The following NAV2 variants were observed in gnomAD, a reference collection of about 807,000 sequenced individuals.
The protein encoded by NAV2 is neuron navigator 2, also known as helicase, APC down-regulated 1.
NAV2 carries 54 observed loss-of-function variants against 223.2 expected under a neutral mutation model. That is an observed-to-expected ratio of 0.24 (90% CI 0.19 to 0.30). The LOEUF (loss-of-function observed/expected upper bound fraction) is 0.30. Ranked by LOEUF, NAV2 falls within the 10% of genes least tolerant of loss-of-function variation. NAV2 has a pLI of 1.00. For synonymous variants in NAV2, 1,279 were observed against 1,239.3 expected (o/e 1.03, Z -0.67); for missense variants, 2,806 against 3,147.5 (o/e 0.89, Z 2.60).
chr11:19,369,886 A>G (rs966342406), intron 1 of NAV2, among the ~76,000 whole-genome samples: 1 of 152,150 alleles, frequency 6.6e-6, no homozygotes, highest in Non-Finnish European at 1.5e-5. Flanking sequence ...TAAATTTCCA[A>G]TCAAGTCTTT....
chr11:19,834,298 G>A (rs186132232), intron 2 of NAV2, among the ~76,000 whole-genome samples: 19 of 152,280 alleles, frequency 1.2e-4, no homozygotes, highest in South Asian at 2.1e-4. Context: ...ATTGAGGCCC[G>A]GTGAAGCTTA....
chr11:19,832,719 G>A (rs2060012518), intron 2 of NAV2, 118 bp downstream of exon 2: 1 of 784,920 alleles, frequency 1.3e-6, no homozygotes. Flanking sequence ...CTCATGTCTT[G>A]ACAATTTATT....
intron 1 of NAV2, among the ~76,000 whole-genome samples, chr11:19,381,241 T>G (rs571107978): frequency 6.6e-6 from 1 of 152,314 alleles, no homozygotes; most frequent in African/African-American, 2.4e-5. Context: ...CTCTGTCAAT[T>G]TCCTTGTCTC....
chr11:20,107,687 C>G lies in NAV2; in HGVS notation c.6865C>G (p.Pro2289Ala). The change falls in exon 36 of 38, where the codon CCC becomes GCC. Residue 2289 changes from proline to alanine, a missense_variant. Transcript: ENST00000349880. ...AGGCCCCCGGCTCTTCCTGTCATGC[C>G]CCATCGATGTGGACGGCTCGAGAGT... ...TIGPRLFLSCPIDVDGSRVWF... is the reference protein window; with the variant it reads ...TIGPRLFLSCAIDVDGSRVWF... The G allele has an allele frequency of 6.2e-7, 1 of 1,614,098 alleles. No individual in the cohort carries two copies. Among genetic ancestry groups the G allele is most frequent in the Non-Finnish European group, 8.5e-7 (1 of 1,179,986 alleles).
intron 3 of NAV2, among the ~76,000 whole-genome samples, chr11:19,858,734 T>C (rs558060470): frequency 2.6e-5 from 4 of 152,248 alleles, no homozygotes; most frequent in Non-Finnish European, 4.4e-5. Flanking sequence ...CAAAGTTTTT[T>C]GGATAGATAG....
At chr11:19,959,214 A>G (rs1317771643) in intron 10 of NAV2, among the ~76,000 whole-genome samples, 3 of 152,134 alleles carry the variant, frequency 2.0e-5, no homozygotes, top group Admixed American at 1.3e-4. Flanking sequence ...GGTGGGTTGA[A>G]TGTTTAAGGA....
intron 10 of NAV2, among the ~76,000 whole-genome samples, chr11:19,965,235 C>A (rs996176560): frequency 2.0e-5 from 3 of 152,180 alleles, no homozygotes; most frequent in African/African-American, 7.2e-5. Context: ...AGGTGGTGAG[C>A]TAGGGAGCTG....
intron 1 of NAV2, among the ~76,000 whole-genome samples, chr11:19,693,932 C>A (rs1454845350): frequency 6.6e-6 from 1 of 152,190 alleles, no homozygotes. Flanking sequence ...TAGGAAATCA[C>A]CATTTTTGAG....
chr11:19,558,949 A>G (rs188768981), intron 1 of NAV2, among the ~76,000 whole-genome samples: 1 of 152,294 alleles, frequency 6.6e-6, no homozygotes, highest in African/African-American at 2.4e-5. Flanking sequence ...CAAGAGAACT[A>G]AAGGCCGTTC....
chr11:19,732,672 A>G (rs1478525736), intron 1 of NAV2, among the ~76,000 whole-genome samples: 4 of 152,162 alleles, frequency 2.6e-5, no homozygotes, highest in Non-Finnish European at 5.9e-5. Flanking sequence ...CTCTGCTTCT[A>G]GCTTTTGGTT....
chr11:19,901,741 A>G (rs745465443), intron 6 of NAV2, among the ~76,000 whole-genome samples: 1 of 152,186 alleles, frequency 6.6e-6, no homozygotes, highest in Non-Finnish European at 1.5e-5. Flanking sequence ...CCAGCAACTT[A>G]CACTGGGTAG....
chr11:19,871,920 C>G (rs1008756392), intron 4 of NAV2, among the ~76,000 whole-genome samples: 1 of 152,130 alleles, frequency 6.6e-6, no homozygotes, highest in African/African-American at 2.4e-5. Flanking sequence ...TGCCTTGCCT[C>G]CTTGGTGAGG....
At chr11:19,408,454 CTGTTT>C (rs909340347) in intron 1 of NAV2, among the ~76,000 whole-genome samples, 5 of 152,174 alleles carry the variant, frequency 3.3e-5, no homozygotes, top group African/African-American at 1.2e-4. Context: ...TTCCCATAAA[CTGTTT>C]TGTGTCTGCA....
chr11:20,063,620 C>A (rs992005437), intron 20 of NAV2, among the ~76,000 whole-genome samples: 1 of 152,124 alleles, frequency 6.6e-6, no homozygotes, highest in Non-Finnish European at 1.5e-5. Context: ...AGTGATCCGC[C>A]CATCTCAGCC....
chr11:20,099,007 G>A (rs1331140905), intron 31 of NAV2, among the ~76,000 whole-genome samples: 2 of 152,180 alleles, frequency 1.3e-5, no homozygotes, highest in South Asian at 2.1e-4. Context: ...GGGTTTTTGG[G>A]AAAATGTAAC....
intron 1 of NAV2, among the ~76,000 whole-genome samples, chr11:19,373,846 G>A (rs940225477): frequency 3.5e-4 from 54 of 152,296 alleles, no homozygotes; most frequent in African/African-American, 1.3e-3. Flanking sequence ...AAGAAAATAT[G>A]ACAGGTAGGT....
intron 31 of NAV2, among the ~76,000 whole-genome samples, chr11:20,100,546 GGTGTGTGTGTGTGTGTGTGTGTGT>G (rs59857072): frequency 1.5e-4 from 21 of 141,860 alleles, no homozygotes; most frequent in African/African-American, 4.5e-4. Flanking sequence ...ATACTAGAGG[GGTGTGTGTGTGTGTGTGTGTGTGT>G]GTGTGTGTGT....
At chr11:20,006,930 A>G (rs548135735) in intron 11 of NAV2, among the ~76,000 whole-genome samples, 7 of 151,898 alleles carry the variant, frequency 4.6e-5, no homozygotes, top group Admixed American at 4.6e-4. Flanking sequence ...CTGAGACTGG[A>G]CCCTGGTTTC....
chr11:19,392,325 A>T (rs1413518271), intron 1 of NAV2, among the ~76,000 whole-genome samples: 3 of 152,086 alleles, frequency 2.0e-5, no homozygotes, highest in African/African-American at 7.2e-5. Flanking sequence ...CAATGACTTA[A>T]CTCAGTTACA....
Sources: gnomAD v4.1 joint callset for allele counts (sites outside exome capture counted in the v4.1 genomes callset) on GRCh38, gnomAD v4.1.1 for gene constraint, MANE v1.5 for transcripts, NCBI Gene and HGNC (gene_info 2026-07-23, HGNC 2026-07-21) for gene names.